Variants in NAA35 observed in about 807,000 individuals in gnomAD.
The protein encoded by NAA35 is MAK10 homolog, amino-acid N-acetyltransferase subunit.
In NAA35, 18 loss-of-function variants were observed where a neutral mutation model predicts 101.7. That is an observed-to-expected ratio of 0.18 (90% CI 0.12 to 0.26). NAA35 has a LOEUF of 0.26. Ranked by LOEUF, NAA35 falls within the 10% of genes least tolerant of loss-of-function variation. The probability of loss-of-function intolerance (pLI) is 1.00; values close to 1 mark genes in which losing one functional copy is unlikely to be tolerated. For synonymous variants in NAA35, 267 were observed against 273.1 expected, an observed-to-expected ratio of 0.98 and a Z score of 0.22; for missense variants, 601 against 886.8, an observed-to-expected ratio of 0.68 and a Z score of 4.09.
At position 86,018,776 on chromosome 9, in the gene NAA35, A is replaced by G; in HGVS notation, c.1992A>G (p.Gln664=). 6.2e-7 allele frequency: 1 copy of G among 1,614,146 alleles called. No homozygotes were observed. The highest frequency in any genetic ancestry group is 8.5e-7 in the Non-Finnish European group (1 of 1,180,006). The change falls in exon 21 of 23, where the codon CAA becomes CAG. Residue 664 remains glutamine, a synonymous_variant. Coordinates refer to ENST00000361671, the MANE Select transcript of NAA35 (RefSeq NM_024635.4). ...ATGTGGCAGCTAGTAAGCACTTTCA[A>G]CAGGCAAAAATGATATTGGAAAATA... ...ELYVAASKHF[Q]QAKMILENIP... is the part of the protein sequence containing the mutation.
intron 6 of NAA35, among the ~76,000 whole-genome samples, chr9:85,962,858 A>G (rs1829580393): frequency 6.6e-6 from 1 of 152,222 alleles, no homozygotes; most frequent in African/African-American, 2.4e-5. Flanking sequence ...GAACAAAGAT[A>G]TGAATATTTT....
chr9:86,001,258 G>A (rs1268413019), intron 12 of NAA35, among the ~76,000 whole-genome samples: 1 of 152,004 alleles, frequency 6.6e-6, no homozygotes. Flanking sequence ...AGTATGTTTG[G>A]TATGACTTCA....
At chr9:85,983,031 G>C (rs1161887081) in intron 11 of NAA35, among the ~76,000 whole-genome samples, 1 of 152,158 alleles carries the variant, frequency 6.6e-6, no homozygotes, top group Admixed American at 6.5e-5. Context: ...GAAAACATGA[G>C]AACTGGTTGA....
chr9:86,021,391 G>A (rs980688425), intron 22 of NAA35, among the ~76,000 whole-genome samples: 1 of 152,204 alleles, frequency 6.6e-6, no homozygotes, highest in Non-Finnish European at 1.5e-5. Flanking sequence ...TCCATGCTAC[G>A]TCATCATTTC....
Position 86,018,250 on chromosome 9 carries a change from T to C in NAA35, c.1774-5T>C. On this transcript the variant is annotated splice_region_variant and splice_polypyrimidine_tract_variant and intron_variant, in intron 19 of 22. Coordinates refer to ENST00000361671, the MANE Select transcript of NAA35 (RefSeq NM_024635.4). The stretch of plus-strand genomic sequence containing the variant: ...ATCTTTTTTCTTATTCCCTTTTTCA[T>C]TTAGACCATGGTAGCATTTGACATG... 6.2e-7 allele frequency: 1 copy of C among 1,607,244 alleles called. No homozygotes were observed. The highest frequency in any genetic ancestry group is 1.1e-5 in the South Asian group (1 of 90,390).
intron 12 of NAA35, among the ~76,000 whole-genome samples, chr9:85,999,969 A>C (rs1831344464): frequency 6.6e-6 from 1 of 152,074 alleles, no homozygotes; most frequent in African/African-American, 2.4e-5. Flanking sequence ...TTTTTAGATA[A>C]ATTTCTTTAA....
intron 13 of NAA35, 50 bp downstream of exon 13, chr9:86,003,694 T>C: frequency 1.8e-6 from 2 of 1,093,704 alleles, no homozygotes; most frequent in Non-Finnish European, 2.7e-6. Flanking sequence ...ATATGTGTAT[T>C]GACATTGTTT....
intron 15 of NAA35, among the ~76,000 whole-genome samples, chr9:86,012,480 T>C (rs999709772): frequency 2.6e-5 from 4 of 152,220 alleles, no homozygotes; most frequent in African/African-American, 9.6e-5. Context: ...ACTGATCAAA[T>C]GAGATAATAT....
intron 13 of NAA35, among the ~76,000 whole-genome samples, chr9:86,006,257 T>C (rs1362908145): frequency 1.3e-5 from 2 of 151,970 alleles, no homozygotes; most frequent in Non-Finnish European, 2.9e-5. Flanking sequence ...CTTTGGAAAA[T>C]AGCTTGGCAC....
At chr9:86,018,574 G>C in intron 20 of NAA35, 125 bp from the exon 21 acceptor site, 1 of 1,359,954 alleles carries the variant, frequency 7.4e-7, no homozygotes, top group South Asian at 1.4e-5. Flanking sequence ...GAGATGTGCT[G>C]AATGTTTGCC....
chr9:85,965,027 A>G (rs1226443005), intron 6 of NAA35, among the ~76,000 whole-genome samples: 1 of 152,086 alleles, frequency 6.6e-6, no homozygotes, highest in Non-Finnish European at 1.5e-5. Context: ...ATTCTAGTTC[A>G]TTTTCCACAT....
intron 18 of NAA35, 68 bp from the exon 19 acceptor site, chr9:86,017,430 C>T: frequency 7.1e-7 from 1 of 1,407,542 alleles, no homozygotes; most frequent in South Asian, 1.2e-5. Flanking sequence ...ATTAGATTTT[C>T]TTTTGCAGTA....
At chr9:85,955,132 G>A (rs769616408) in intron 2 of NAA35, among the ~76,000 whole-genome samples, 4 of 151,282 alleles carry the variant, frequency 2.6e-5, no homozygotes, top group Admixed American at 2.0e-4. Flanking sequence ...GGCCGTGCTG[G>A]TCTCAAACTC....
chr9:85,955,352 A>ATTTTTT (rs1170841479), intron 2 of NAA35, among the ~76,000 whole-genome samples: 5 of 61,290 alleles, frequency 8.2e-5, no homozygotes, highest in East Asian at 3.0e-4. Flanking sequence ...ATATATATAT[A>ATTTTTT]TATATATATT....
At position 85,986,675 on chromosome 9, in the gene NAA35, C is replaced by G. The variant is rs1185072890; in HGVS notation, c.877+8294C>G. 3 of 310,918 alleles carry G rather than the reference C, an allele frequency of 9.6e-6. No homozygotes were observed. The Admixed American group carries it at 1.4e-4, about 15-fold the overall frequency. The allele number at this position is 310,918 out of a possible 1,614,324, so 19.3% of individuals were successfully genotyped here. A position where few individuals can be genotyped will look rare whatever the true frequency, so the allele number is the denominator to read the frequency against. The stretch of plus-strand genomic sequence containing the variant: ...TCTCGGCTCAATGCAACCTCTGCCT[C>G]CCGGGTTCAAATGATTCTCTTACCT... On this transcript the variant is annotated intron_variant, in intron 11 of 22. Transcript: ENST00000361671.
At chr9:86,021,003 G>T in intron 22 of NAA35, 34 bp downstream of exon 22, 1 of 1,484,082 alleles carries the variant, frequency 6.7e-7, no homozygotes, top group South Asian at 1.2e-5. Context: ...AGTGGTCTTA[G>T]ATTATTGTGA....
chr9:85,992,186 AT>A lies in NAA35; in HGVS notation c.878-4212del, dbSNP rs1358740567. 2.7e-5 allele frequency among the ~76,000 whole-genome samples: 4 copies of A among 149,266 alleles called. No individual in the cohort carries two copies. The South Asian group carries it at 8.5e-4, about 32-fold the overall frequency. On this transcript the variant is annotated intron_variant, in intron 11 of 22. Transcript: ENST00000361671. ...AAGACTCCGTCTCAAAAAAAAAAAA[AT>A]AATAAAAAATAAATGAATAAAATAA...
chr9:85,948,686 A>G (rs562358155), intron 2 of NAA35, among the ~76,000 whole-genome samples: 1 of 152,326 alleles, frequency 6.6e-6, no homozygotes, highest in South Asian at 2.1e-4. Context: ...GGCATTGTCC[A>G]TTGATCTTTT....
At chr9:86,007,547 A>C (rs985171605) in intron 14 of NAA35, 83 bp downstream of exon 14, 1 of 949,836 alleles carries the variant, frequency 1.1e-6, no homozygotes, top group Non-Finnish European at 1.6e-6. Context: ...TTTATAGCCA[A>C]AGTATCAAAA....
Sources: gnomAD v4.1 joint callset for allele counts (sites outside exome capture counted in the v4.1 genomes callset) on GRCh38, gnomAD v4.1.1 for gene constraint, MANE v1.5 for transcripts, NCBI Gene and HGNC (gene_info 2026-07-23, HGNC 2026-07-21) for gene names.